The following MYCBP2 variants were observed in gnomAD, a reference collection of about 807,000 sequenced individuals.
MYCBP2 encodes the protein E3 ubiquitin-protein ligase MYCBP2.
In MYCBP2, 120 loss-of-function variants were observed where a neutral mutation model predicts 525.3. The ratio of observed to expected loss-of-function variants is 0.23; its 90% CI spans 0.20 to 0.27. The LOEUF is 0.27. Ranked by LOEUF, MYCBP2 falls within the 10% of genes least tolerant of loss-of-function variation. MYCBP2 has a pLI of 1.00. For synonymous variants in MYCBP2, 1,894 were observed against 1,955.8 expected, an observed-to-expected ratio of 0.97 and a Z score of 0.83; for missense variants, 4,149 against 5,657.1, an observed-to-expected ratio of 0.73 and a Z score of 8.55.
At chr13:77,129,355 T>G (rs2052312892) in intron 52 of MYCBP2, 1 of 387,248 alleles carries the variant, frequency 2.6e-6, no homozygotes, top group Admixed American at 4.5e-5. Flanking sequence ...AAATATTATT[T>G]TACTAAAGAG....
At chr13:77,287,890 T>C (rs977426018) in intron 3 of MYCBP2, among the ~76,000 whole-genome samples, 4 of 152,128 alleles carry the variant, frequency 2.6e-5, no homozygotes, top group African/African-American at 9.7e-5. Flanking sequence ...TTTTGTACAT[T>C]TTTTAATTGC....
chr13:77,154,630 T>A (rs932000003), intron 46 of MYCBP2, among the ~76,000 whole-genome samples: 9 of 152,054 alleles, frequency 5.9e-5, no homozygotes, highest in Non-Finnish European at 1.3e-4. Context: ...TGTTGTCACA[T>A]GAATAAAAAA....
At chr13:77,171,706 C>G in intron 37 of MYCBP2, 72 bp from the exon 38 acceptor site, 1 of 1,420,998 alleles carries the variant, frequency 7.0e-7, no homozygotes, top group East Asian at 2.3e-5. Context: ...GAAATCATAT[C>G]TAGATCTGAG....
chr13:77,241,564 T>G (rs1172648940), intron 17 of MYCBP2, among the ~76,000 whole-genome samples: 2 of 152,184 alleles, frequency 1.3e-5, no homozygotes, highest in Non-Finnish European at 2.9e-5. Flanking sequence ...TATCCTGTTT[T>G]GTAAGAAATA....
chr13:77,320,395 T>A (rs931651581), intron 1 of MYCBP2, among the ~76,000 whole-genome samples: 5 of 152,182 alleles, frequency 3.3e-5, no homozygotes, highest in African/African-American at 1.2e-4. Context: ...GCTGCTGGAT[T>A]AGGAGAAACT....
intron 14 of MYCBP2, among the ~76,000 whole-genome samples, chr13:77,252,079 C>T (rs1319359534): frequency 6.6e-6 from 1 of 152,180 alleles, no homozygotes; most frequent in East Asian, 1.9e-4. Flanking sequence ...GTCACTACCT[C>T]CTCAGTGCCT....
intron 27 of MYCBP2, among the ~76,000 whole-genome samples, chr13:77,192,063 A>C (rs750888981): frequency 1.4e-4 from 21 of 152,256 alleles, no homozygotes; most frequent in Non-Finnish European, 1.9e-4. Flanking sequence ...AATGTTATAA[A>C]ACTTTCATAT....
In MYCBP2 at chr13:77,229,569, T is replaced by C. The variant is rs558113456; in HGVS notation, c.2737+3587A>G. ...AGAAAACAAATAATTCAATTCAAAA[T>C]ATTAAAGCTAGTATTCATGGAGGAT... is the stretch of plus-strand genomic sequence containing the variant. On this transcript the variant is annotated intron_variant, in intron 18 of 82. Coordinates refer to ENST00000544440, the MANE Select transcript of MYCBP2 (RefSeq NM_015057.5). Among the ~76,000 whole-genome samples the C allele has an allele frequency of 1.3e-4, 20 of 152,314 alleles. No individual in the cohort carries two copies. The East Asian group carries it at 3.9e-3, about 29-fold the overall frequency.
intron 15 of MYCBP2, among the ~76,000 whole-genome samples, chr13:77,247,618 C>G (rs999458118): frequency 3.9e-5 from 6 of 152,112 alleles, no homozygotes; most frequent in Non-Finnish European, 8.8e-5. Context: ...AATAGCCAAA[C>G]AATCTTGAAA....
Position 77,193,733 on chromosome 13 carries a change from C to A in MYCBP2, c.3935+420G>T, listed in dbSNP as rs183088769. The stretch of plus-strand genomic sequence containing the variant: ...GTTATTATCAAATATATTCTAGCAG[C>A]ATGATGTCAGAGTACATGGGTAATC... On this transcript the variant is annotated intron_variant, in intron 27 of 82. Transcript: ENST00000544440. Among the ~76,000 whole-genome samples the A allele has an allele frequency of 2.0e-4, 31 of 152,242 alleles. 1 individual carries two copies. The East Asian group carries it at 6.0e-3, about 29-fold the overall frequency.
rs1293415644 is a variant in MYCBP2, at chr13:77,081,273, T to C, written c.11418+154A>G. 1 of 671,228 alleles carries C rather than the reference T, an allele frequency of 1.5e-6. No homozygotes were observed. The highest frequency in any genetic ancestry group is 2.5e-6 in the Non-Finnish European group (1 of 395,278). The allele number at this position is 671,228 out of a possible 1,614,324, so 41.6% of individuals were successfully genotyped here. A position where few individuals can be genotyped will look rare whatever the true frequency, so the allele number is the denominator to read the frequency against. On this transcript the variant is annotated intron_variant, in intron 65 of 82. Coordinates refer to ENST00000544440, the MANE Select transcript of MYCBP2 (RefSeq NM_015057.5). The surrounding 1 kb of genome is among the most constrained non-coding windows in gnomAD (Gnocchi z 4.6). Reference sequence around the variant, plus strand: ...GTGCTCCCAATCATATTAATTTGTTTTTAGACTTAAGATTTATTTGGGGAT... The same window carrying C: ...GTGCTCCCAATCATATTAATTTGTTCTTAGACTTAAGATTTATTTGGGGAT...
intron 7 of MYCBP2, among the ~76,000 whole-genome samples, chr13:77,269,149 C>G (rs1237801667): frequency 6.6e-6 from 1 of 152,198 alleles, no homozygotes; most frequent in African/African-American, 2.4e-5. Context: ...GATAAGATCA[C>G]AGCATTAAGA....
At chr13:77,108,669 A>G (rs542381784) in intron 55 of MYCBP2, among the ~76,000 whole-genome samples, 2 of 152,040 alleles carry the variant, frequency 1.3e-5, no homozygotes, top group South Asian at 2.1e-4. Context: ...TAAAACCTAA[A>G]CCAAAAACAG....
chr13:77,245,874 A>ATG (rs2154320447), intron 15 of MYCBP2, among the ~76,000 whole-genome samples: 1 of 145,742 alleles, frequency 6.9e-6, no homozygotes, highest in African/African-American at 2.8e-5. Context: ...ACATATATAT[A>ATG]CACACACACA....
intron 43 of MYCBP2, among the ~76,000 whole-genome samples, chr13:77,162,520 G>C (rs912976631): frequency 6.6e-6 from 1 of 152,116 alleles, no homozygotes; most frequent in African/African-American, 2.4e-5. Flanking sequence ...TAGGAGTGTA[G>C]AACAAAAAAT....
At chr13:77,164,255 G>T (rs893504281) in intron 43 of MYCBP2, among the ~76,000 whole-genome samples, 199 bp downstream of exon 43, 1 of 152,162 alleles carries the variant, frequency 6.6e-6, no homozygotes, top group Non-Finnish European at 1.5e-5. Context: ...GTGTCCATGT[G>T]CGTGTGTAAA....
chr13:77,186,549 C>G (rs928641134), intron 30 of MYCBP2, among the ~76,000 whole-genome samples: 3 of 151,948 alleles, frequency 2.0e-5, no homozygotes, highest in Non-Finnish European at 2.9e-5. Context: ...ATTTGCAATA[C>G]AAACTACAGT....
intron 3 of MYCBP2, among the ~76,000 whole-genome samples, chr13:77,280,389 A>T (rs943662343): frequency 2.6e-4 from 40 of 152,358 alleles, no homozygotes; most frequent in Admixed American, 1.1e-3. Flanking sequence ...CATGCTGTCC[A>T]AGATTTCCAT....
chr13:77,083,308 A>G, intron 62 of MYCBP2, 116 bp from the exon 63 acceptor site: 1 of 822,730 alleles, frequency 1.2e-6, no homozygotes, highest in Non-Finnish European at 1.8e-6. Flanking sequence ...AAACAACAAA[A>G]CCAAATTGTA....
Sources: gnomAD v4.1 joint callset for allele counts (sites outside exome capture counted in the v4.1 genomes callset) on GRCh38, gnomAD v4.1.1 for gene constraint, Gnocchi (gnomAD v3.1) non-coding constraint, MANE v1.5 for transcripts, NCBI Gene and HGNC (gene_info 2026-07-23, HGNC 2026-07-21) for gene names.